The following CBR4 variants were observed in gnomAD, a reference collection of about 807,000 sequenced individuals.
CBR4 encodes 3-oxoacyl-[acyl-carrier-protein] reductase.
A neutral mutation model predicts 21.0 loss-of-function variants in CBR4; 22 were observed. That is an observed-to-expected ratio of 1.05 (90% CI 0.75 to 1.50). CBR4 has a LOEUF of 1.50. Among genes scored for constraint, CBR4 ranks in the 40% most tolerant of loss-of-function variants. The pLI, the probability that CBR4 is intolerant of heterozygous loss-of-function variation, is 0.00. For synonymous variants in CBR4, 100 were observed against 104.4 expected (o/e 0.96, Z 0.26); for missense variants, 302 against 286.3 (o/e 1.05, Z -0.40).
At chr4:168,929,184 A>G (rs1560948976) in intron 2 of CBR4, among the ~76,000 whole-genome samples, 1 of 152,108 alleles carries the variant, frequency 6.6e-6, no homozygotes, top group Non-Finnish European at 1.5e-5. Flanking sequence ...ACAAGGAATG[A>G]GATATTACAC....
intron 2 of CBR4, chr4:168,924,567 T>C (rs1762211816): frequency 2.4e-6 from 2 of 842,892 alleles, no homozygotes; most frequent in Non-Finnish European, 4.0e-6. Context: ...ACAAAAACCA[T>C]GCGTTACCCA....
intron 2 of CBR4, chr4:168,894,887 T>A: frequency 1.5e-6 from 1 of 669,888 alleles, no homozygotes; most frequent in Non-Finnish European, 2.5e-6. Context: ...CCATCAGTGA[T>A]ACCTGTTCTT....
rs1010025700 is a variant in CBR4 at position 168,988,236 on chromosome 4, A to C, written c.*1914T>G. ...GAAGGTTTATTTTACCTCTTTCAAG[A>C]TCTCTCCATATATTCCACCAGTTTG... On this transcript the variant is annotated 3_prime_UTR_variant, in exon 5 of 5. Transcript: ENST00000306193. The C allele has an allele frequency of 1.0e-6, 1 of 985,434 alleles. No homozygotes were observed. 61.0% of individuals were successfully genotyped at this position (985,434 alleles called of 1,614,324 possible).
chr4:168,996,036 T>C (rs1304067143), intron 4 of CBR4, among the ~76,000 whole-genome samples: 1 of 152,138 alleles, frequency 6.6e-6, no homozygotes, highest in Non-Finnish European at 1.5e-5. Flanking sequence ...AAAGTCTCCC[T>C]CCACTGCTCA....
intron 2 of CBR4, among the ~76,000 whole-genome samples, chr4:168,928,728 T>TCTC (rs1436631278): frequency 6.6e-6 from 1 of 151,912 alleles, no homozygotes; most frequent in Non-Finnish European, 1.5e-5. Flanking sequence ...CCAGGAGCTC[T>TCTC]CTCTCTCAGC....
At chr4:168,962,267 A>G (rs1034739511) in intron 2 of CBR4, among the ~76,000 whole-genome samples, 1 of 152,054 alleles carries the variant, frequency 6.6e-6, no homozygotes, top group Admixed American at 6.6e-5. Flanking sequence ...ACACAACCAT[A>G]TATTACATTC....
intron 2 of CBR4, among the ~76,000 whole-genome samples, chr4:168,942,714 C>A (rs773885309): frequency 2.4e-4 from 37 of 152,076 alleles, no homozygotes; most frequent in Non-Finnish European, 3.8e-4. Flanking sequence ...AAAATATCTG[C>A]AAACTCTTCA....
At chr4:168,898,185 C>G (rs935954912) in intron 2 of CBR4, 3 of 413,776 alleles carry the variant, frequency 7.3e-6, no homozygotes, top group Non-Finnish European at 1.4e-5. Flanking sequence ...GAATACATAG[C>G]TTTGCTTTTG....
intron 3 of CBR4, among the ~76,000 whole-genome samples, chr4:169,002,740 AT>A (rs34433008): frequency 0.14 from 20,049 of 142,358 alleles, 2,651 homozygotes; most frequent in African/African-American, 0.36. Flanking sequence ...CAGATATTGC[AT>A]TTTTTTTTTT....
rs1310119618 is a variant in CBR4 at position 168,990,035 on chromosome 4, T to C, written c.*115A>G. ...TTTTTATAAAGACAGAAATTAACAT[T>C]TGTAGCATCAGCAGGTTTGATTAGC... On this transcript the variant is annotated 3_prime_UTR_variant, in exon 5 of 5. Coordinates refer to ENST00000306193, the MANE Select transcript of CBR4 (RefSeq NM_032783.5). The C allele has an allele frequency of 3.0e-6, 4 of 1,321,766 alleles. No homozygotes were observed. The highest frequency in any genetic ancestry group is 3.0e-5 in the African/African-American group (2 of 65,646). 81.9% of individuals were successfully genotyped at this position (1,321,766 alleles called of 1,614,324 possible). A position where few individuals can be genotyped will look rare whatever the true frequency, so the allele number is the denominator to read the frequency against.
intron 2 of CBR4, among the ~76,000 whole-genome samples, chr4:168,901,944 A>C (rs2151292424): frequency 6.6e-6 from 1 of 152,358 alleles, no homozygotes; most frequent in African/African-American, 2.4e-5. Flanking sequence ...CAAAGTTATT[A>C]GTCTAGTTGG....
intron 2 of CBR4, among the ~76,000 whole-genome samples, chr4:168,959,116 T>A (rs1230061381): frequency 6.6e-6 from 1 of 152,216 alleles, no homozygotes; most frequent in Admixed American, 6.5e-5. Flanking sequence ...AATCACTGCC[T>A]ACCCCAAAGT....
intron 2 of CBR4, among the ~76,000 whole-genome samples, chr4:168,980,775 C>A (rs1235622875): frequency 6.6e-6 from 1 of 152,146 alleles, no homozygotes; most frequent in Non-Finnish European, 1.5e-5. Flanking sequence ...AGTTGGCTCT[C>A]TGAAAACATC....
At chr4:168,994,745 A>ATTTGCTAATT (rs1306312952) in intron 4 of CBR4, among the ~76,000 whole-genome samples, 1 of 48,784 alleles carries the variant, frequency 2.0e-5, no homozygotes, top group Non-Finnish European at 3.8e-5. Flanking sequence ...CGCCTGGCTA[A>ATTTGCTAATT]TTTTTTTTTT....
In CBR4 at chr4:168,903,877, A is replaced by T. The variant is rs1303362124; in HGVS notation, n.170-9112T>A. ...AGCCTCCACCCTAGATGATGATGGG[A>T]ATTATACAATTATGGCTGCAAACCC... On this transcript the variant is annotated intron_variant and non_coding_transcript_variant, in intron 2 of 3. Coordinates refer to the CBR4 transcript ENST00000509108. 1.1e-5 allele frequency: 17 copies of T among 1,613,980 alleles called. No individual in the cohort carries two copies. Among genetic ancestry groups the T allele is most frequent in the Non-Finnish European group, 1.4e-5 (17 of 1,179,958 alleles).
intron 2 of CBR4, among the ~76,000 whole-genome samples, chr4:168,933,484 A>T (rs900814414): frequency 6.6e-6 from 1 of 152,216 alleles, no homozygotes; most frequent in Non-Finnish European, 1.5e-5. Context: ...ATATATATGC[A>T]CCCAACACTG....
rs28626035 is a variant in CBR4, at chr4:168,904,186, G to C, written n.170-9421C>G. 2,182 of 416,644 alleles carry C rather than the reference G, an allele frequency of 5.2e-3. 56 individuals carry two copies. The highest frequency in any genetic ancestry group is 0.04 in the African/African-American group (2,007 of 50,054). 25.8% of individuals were successfully genotyped at this position (416,644 alleles called of 1,614,324 possible). On this transcript the variant is annotated intron_variant and non_coding_transcript_variant, in intron 2 of 3. Coordinates refer to the CBR4 transcript ENST00000509108. ...TGTGGGTGATGGGGTTGCAGTGGTA[G>C]ACTGGACAAAGTCCTATGGTAAAAA...
intron 2 of CBR4, among the ~76,000 whole-genome samples, chr4:168,931,231 A>T (rs116498604): frequency 6.6e-6 from 1 of 152,214 alleles, no homozygotes; most frequent in African/African-American, 2.4e-5. Context: ...ACATGCCCTC[A>T]GGCCAGAACC....
chr4:168,973,450 C>T (rs565142070), intron 2 of CBR4, among the ~76,000 whole-genome samples: 6 of 152,338 alleles, frequency 3.9e-5, no homozygotes, highest in Non-Finnish European at 7.3e-5. Flanking sequence ...GCCTCAGCCT[C>T]CCAAGTAGCT....
Sources: gnomAD v4.1 joint callset for allele counts (sites outside exome capture counted in the v4.1 genomes callset) on GRCh38, gnomAD v4.1.1 for gene constraint, MANE v1.5 for transcripts, NCBI Gene and HGNC (gene_info 2026-07-23, HGNC 2026-07-21) for gene names.